The following RABGEF1 variants were observed in gnomAD, a reference collection of about 807,000 sequenced individuals.
RABGEF1 encodes the protein rab5 GDP/GTP exchange factor.
Under a neutral mutation model 57.3 loss-of-function variants are expected in RABGEF1, and 26 were observed. The observed-to-expected ratio is 0.45, with a 90% CI of 0.33 to 0.63. The LOEUF (loss-of-function observed/expected upper bound fraction) is 0.63, where lower values mean the gene tolerates loss of function less well. RABGEF1 is among the 20% of genes least tolerant of loss of function. The pLI, the probability that RABGEF1 is intolerant of heterozygous loss-of-function variation, is 0.02. For synonymous variants in RABGEF1, 185 were observed against 210.7 expected (o/e 0.88, Z 1.06); for missense variants, 464 against 607.6 (o/e 0.76, Z 2.48).
intron 4 of RABGEF1, among the ~76,000 whole-genome samples, chr7:66,788,161 T>C (rs1202693207): frequency 6.6e-6 from 1 of 152,068 alleles, no homozygotes; most frequent in Non-Finnish European, 1.5e-5. Flanking sequence ...TTTAATAAAC[T>C]TGGGGCTGGG....
the RABGEF1 span, among the ~76,000 whole-genome samples, chr7:66,667,063 A>G: frequency 1.2e-3 from 176 of 152,266 alleles, no homozygotes; most frequent in Admixed American, 1.9e-3. Flanking sequence ...GGAGCATGCA[A>G]TTGTCTCCTC....
intron 1 of RABGEF1, among the ~76,000 whole-genome samples, chr7:66,762,218 T>C (rs1433672602): frequency 1.3e-5 from 2 of 152,190 alleles, no homozygotes; most frequent in Non-Finnish European, 2.9e-5. Flanking sequence ...ATAAGGTCTC[T>C]GTCCTCAGCA....
chr7:66,742,713 C>T (rs1379355700), intron 1 of RABGEF1, among the ~76,000 whole-genome samples: 2 of 152,090 alleles, frequency 1.3e-5, no homozygotes, highest in East Asian at 1.9e-4. Flanking sequence ...CTGAAGTGAT[C>T]CTCCCACCTC....
At chr7:66,660,325 G>C in the RABGEF1 span, among the ~76,000 whole-genome samples, 1 of 150,274 alleles carries the variant, frequency 6.7e-6, no homozygotes, top group African/African-American at 2.4e-5. Flanking sequence ...TCCAGCCTGG[G>C]TGACAAAGCG....
At chr7:66,783,947 C>A (rs1465352159) in intron 4 of RABGEF1, 106 bp downstream of exon 4, 18 of 1,093,698 alleles carry the variant, frequency 1.6e-5, no homozygotes, top group Non-Finnish European at 2.1e-5. Context: ...AAAATCCAGA[C>A]CAAGAGATGT....
At chr7:66,718,565 TA>T (rs34193736) in intron 2 of RABGEF1, among the ~76,000 whole-genome samples, 3 of 150,282 alleles carry the variant, frequency 2.0e-5, no homozygotes, top group Admixed American at 1.3e-4. Context: ...GTTTAATTTA[TA>T]AAAAAAAAAT....
chr7:66,788,743 C>T (rs1301306883), intron 4 of RABGEF1, among the ~76,000 whole-genome samples: 1 of 152,042 alleles, frequency 6.6e-6, no homozygotes, highest in Non-Finnish European at 1.5e-5. Context: ...CTTTGGGAAG[C>T]CAATGCGGGT....
chr7:66,673,760 G>A, the RABGEF1 span, among the ~76,000 whole-genome samples: 1 of 151,396 alleles, frequency 6.6e-6, no homozygotes, highest in Non-Finnish European at 1.5e-5. Flanking sequence ...TGCACCTATG[G>A]TCCCAGTTAT....
chr7:66,669,987 T>G, the RABGEF1 span: 1 of 152,482 alleles, frequency 6.6e-6, no homozygotes, highest in South Asian at 2.1e-4. Context: ...ACAGCCTCCT[T>G]CCCGCCTCCC....
At chr7:66,720,194 A>ATTATTTTT (rs1263772824) in intron 2 of RABGEF1, among the ~76,000 whole-genome samples, 2 of 134,340 alleles carry the variant, frequency 1.5e-5, no homozygotes, top group African/African-American at 5.7e-5. Context: ...TATTATTATT[A>ATTATTTTT]TTTTTTTTTT....
chr7:66,748,191 C>T (rs190823034), intron 1 of RABGEF1, among the ~76,000 whole-genome samples: 81 of 152,200 alleles, frequency 5.3e-4, no homozygotes, highest in African/African-American at 1.9e-3. Context: ...AGTAAAACTC[C>T]TTATTGGCTT....
At chr7:66,713,528 T>G (rs1447978517) in intron 2 of RABGEF1, among the ~76,000 whole-genome samples, 1 of 152,214 alleles carries the variant, frequency 6.6e-6, no homozygotes, top group South Asian at 2.1e-4. Flanking sequence ...TTTTCTTGCC[T>G]TATTGCCCTA....
chr7:66,761,772 G>T (rs755451043), intron 1 of RABGEF1, among the ~76,000 whole-genome samples: 1 of 152,086 alleles, frequency 6.6e-6, no homozygotes, highest in East Asian at 1.9e-4. Context: ...AAGCCTGGGG[G>T]TGGGCGTGGT....
chr7:66,737,095 A>AGAGAGAGAGAGAGAGAGAGCGAGAGC (rs1798074517), upstream of RABGEF1, among the ~76,000 whole-genome samples: 1 of 138,694 alleles, frequency 7.2e-6, no homozygotes, highest in Non-Finnish European at 1.5e-5. Flanking sequence ...AGCGAGAGCG[A>AGAGAGAGAGAGAGAGAGAGCGAGAGC]GAGAGAGAGA....
the RABGEF1 span, among the ~76,000 whole-genome samples, chr7:66,673,837 C>T: frequency 1.1e-4 from 16 of 151,962 alleles, no homozygotes; most frequent in Non-Finnish European, 2.2e-4. Context: ...TATGATTGCA[C>T]CACTGCCCTC....
intron 2 of RABGEF1, among the ~76,000 whole-genome samples, chr7:66,722,039 T>C (rs1584933769): frequency 6.6e-6 from 1 of 152,070 alleles, no homozygotes; most frequent in African/African-American, 2.4e-5. Context: ...CATGCCAATA[T>C]ACCTGATGAT....
intron 4 of RABGEF1, among the ~76,000 whole-genome samples, chr7:66,789,544 G>A (rs1337941563): frequency 2.0e-5 from 3 of 151,986 alleles, no homozygotes; most frequent in Admixed American, 6.6e-5. Context: ...TTAGCCAGGT[G>A]TGGTGGCGAG....
At chr7:66,801,769 A>T (rs1196990926) in intron 7 of RABGEF1, among the ~76,000 whole-genome samples, 1 of 152,108 alleles carries the variant, frequency 6.6e-6, no homozygotes, top group East Asian at 1.9e-4. Context: ...TTATCCATTC[A>T]TCTGTTGACA....
intron 3 of RABGEF1, among the ~76,000 whole-genome samples, chr7:66,776,273 G>T (rs1808510596): frequency 2.6e-5 from 4 of 152,190 alleles, no homozygotes; most frequent in Admixed American, 2.6e-4. Flanking sequence ...GCCGGGGAAT[G>T]AATAATAAGA....
Sources: allele counts gnomAD v4.1 joint callset (sites outside exome capture counted in the v4.1 genomes callset), GRCh38; gene constraint gnomAD v4.1.1; transcripts MANE v1.5; gene names NCBI Gene and HGNC (gene_info 2026-07-23, HGNC 2026-07-21).